ME3: variants seen among roughly 807,000 people sequenced by gnomAD.
ME3 encodes malic enzyme 3, also known as NADP-dependent malic enzyme, mitochondrial.
Under a neutral mutation model 68.9 loss-of-function variants are expected in ME3, and 48 were observed. The observed-to-expected ratio is 0.70, with a 90% CI of 0.55 to 0.89. The LOEUF is 0.89. ME3 is among the 40% of genes least tolerant of loss of function. ME3 has a pLI of 0.00. For synonymous variants in ME3, 320 were observed against 318.8 expected, an observed-to-expected ratio of 1.00 and a Z score of -0.04; for missense variants, 675 against 797.4, an observed-to-expected ratio of 0.85 and a Z score of 1.85.
intron 5 of ME3, among the ~76,000 whole-genome samples, chr11:86,501,510 T>G (rs1952721255): frequency 6.6e-6 from 1 of 152,234 alleles, no homozygotes; most frequent in Non-Finnish European, 1.5e-5. Context: ...AACCTTGGCA[T>G]CCTCATCCAT....
chr11:86,479,847 C>T (rs1391311295), intron 7 of ME3, among the ~76,000 whole-genome samples: 1 of 148,522 alleles, frequency 6.7e-6, no homozygotes, highest in Non-Finnish European at 1.5e-5. Context: ...TGGAATCTCA[C>T]TCTGTCGCCC....
intron 4 of ME3, among the ~76,000 whole-genome samples, chr11:86,546,957 G>A (rs181587210): frequency 3.3e-5 from 5 of 152,016 alleles, no homozygotes; most frequent in East Asian, 1.9e-4. Context: ...AAAATGTAGC[G>A]GCCGGGCACA....
rs544391209 is a variant in ME3, at chr11:86,594,443, C to A, written c.184-34620G>T. Among the ~76,000 whole-genome samples, 3 of 146,080 alleles carry A rather than the reference C, an allele frequency of 2.1e-5. No homozygotes were observed. The South Asian group carries it at 6.8e-4, about 33-fold the overall frequency. ...TAATGACTCACAGCTATAATCCCAG[C>A]ACTTTGGGAGGCCAAGGTGGGTGAA... On this transcript the variant is annotated intron_variant, in intron 2 of 14. Coordinates refer to ENST00000543262, the Ensembl canonical transcript of ME3.
chr11:86,508,162 A>C (rs1953224295), intron 5 of ME3, among the ~76,000 whole-genome samples: 1 of 152,040 alleles, frequency 6.6e-6, no homozygotes, highest in South Asian at 2.1e-4. Flanking sequence ...CCCAGGGTAC[A>C]CATACCCAAG....
At chr11:86,492,818 A>G (rs942791434) in intron 6 of ME3, among the ~76,000 whole-genome samples, 1 of 152,214 alleles carries the variant, frequency 6.6e-6, no homozygotes, top group Non-Finnish European at 1.5e-5. Context: ...ATCAGTGAGC[A>G]CTGGATTTCA....
chr11:86,619,377 A>G (rs534534212), intron 2 of ME3, among the ~76,000 whole-genome samples: 5 of 152,376 alleles, frequency 3.3e-5, no homozygotes, highest in African/African-American at 9.6e-5. Context: ...AAAATATGGT[A>G]CTAATTAACT....
intron 4 of ME3, among the ~76,000 whole-genome samples, chr11:86,542,574 A>T (rs751408191): frequency 6.6e-6 from 1 of 152,226 alleles, no homozygotes; most frequent in Non-Finnish European, 1.5e-5. Flanking sequence ...GATCAACTTA[A>T]TGAAATAAAG....
intron 7 of ME3, among the ~76,000 whole-genome samples, chr11:86,479,342 C>T (rs959765172): frequency 2.0e-5 from 3 of 152,206 alleles, no homozygotes; most frequent in Non-Finnish European, 4.4e-5. Context: ...TTCTTTACCT[C>T]CATCATCACG....
chr11:86,595,292 C>CATATATATATATAT (rs775768095), intron 2 of ME3, among the ~76,000 whole-genome samples: 10 of 124,264 alleles, frequency 8.0e-5, no homozygotes, highest in East Asian at 3.2e-4. Flanking sequence ...TATACATATA[C>CATATATATATATAT]ATATATATAT....
chr11:86,572,458 C>T (rs145929790), intron 2 of ME3, among the ~76,000 whole-genome samples: 52 of 152,184 alleles, frequency 3.4e-4, no homozygotes, highest in African/African-American at 1.2e-3. Flanking sequence ...CAACAGGCCC[C>T]GATGTATGTT....
At chr11:86,502,350 T>C (rs1041607466) in intron 5 of ME3, among the ~76,000 whole-genome samples, 2 of 152,238 alleles carry the variant, frequency 1.3e-5, no homozygotes, top group Admixed American at 6.5e-5. Flanking sequence ...TATAGTTATG[T>C]ACATTTCCTT....
At chr11:86,652,188 G>C (rs990982529) in intron 2 of ME3, among the ~76,000 whole-genome samples, 1 of 152,178 alleles carries the variant, frequency 6.6e-6, no homozygotes, top group Non-Finnish European at 1.5e-5. Context: ...TTATCCAGGA[G>C]AACTTCCCCA....
intron 2 of ME3, among the ~76,000 whole-genome samples, chr11:86,659,675 G>A (rs891638558): frequency 1.3e-5 from 2 of 152,136 alleles, no homozygotes; most frequent in African/African-American, 4.8e-5. Context: ...CTGCTAGCTG[G>A]GTGAAGTTGG....
rs570736920 is a variant in ME3, at chr11:86,620,020, A to T, written c.183+51742T>A. Reference sequence around the variant, plus strand: ...AGTTATCTTACCCTGTTAAGTGCTAACATGTCAGTATTTTTTACACAAAAA... The same window carrying T: ...AGTTATCTTACCCTGTTAAGTGCTATCATGTCAGTATTTTTTACACAAAAA... On this transcript the variant is annotated intron_variant, in intron 2 of 14. Coordinates refer to ENST00000543262, the Ensembl canonical transcript of ME3. 3.7e-4 allele frequency among the ~76,000 whole-genome samples: 45 copies of T among 123,190 alleles called. 1 individual carries two copies. The South Asian group carries it at 0.011, about 31-fold the overall frequency. 80.8% of individuals were successfully genotyped at this position (123,190 alleles called of 152,430 possible).
chr11:86,532,308 A>T (rs1034532683), intron 4 of ME3, among the ~76,000 whole-genome samples: 1 of 149,292 alleles, frequency 6.7e-6, no homozygotes, highest in African/African-American at 2.5e-5. Flanking sequence ...TTTCAATAAT[A>T]GACAGATCAG....
chr11:86,579,732 G>T (rs998512986), intron 2 of ME3, among the ~76,000 whole-genome samples: 3 of 152,060 alleles, frequency 2.0e-5, no homozygotes, highest in Non-Finnish European at 2.9e-5. Flanking sequence ...TTACAGTTTG[G>T]GTACCACTTA....
intron 2 of ME3, among the ~76,000 whole-genome samples, chr11:86,568,928 T>C (rs1957630233): frequency 6.6e-6 from 1 of 152,210 alleles, no homozygotes; most frequent in Non-Finnish European, 1.5e-5. Flanking sequence ...AGAGGAGACA[T>C]GTGGGTTAAC....
intron 7 of ME3, among the ~76,000 whole-genome samples, chr11:86,472,031 G>T (rs1950810557): frequency 6.6e-6 from 1 of 152,184 alleles, no homozygotes. Flanking sequence ...GGGCTTCACA[G>T]GGCAGGAGAT....
At chr11:86,524,138 C>T (rs980527359) in intron 4 of ME3, among the ~76,000 whole-genome samples, 1 of 152,204 alleles carries the variant, frequency 6.6e-6, no homozygotes, top group Non-Finnish European at 1.5e-5. Flanking sequence ...CACATGCCTC[C>T]ACTTTATAAA....
Sources: allele counts gnomAD v4.1 joint callset (sites outside exome capture counted in the v4.1 genomes callset), GRCh38; gene constraint gnomAD v4.1.1; transcripts MANE v1.5; gene names NCBI Gene and HGNC (gene_info 2026-07-23, HGNC 2026-07-21).